Variants in ADARB2 observed in about 807,000 individuals in gnomAD.
ADARB2 encodes adenosine deaminase RNA specific B2 (inactive).
Under a neutral mutation model 62.2 loss-of-function variants are expected in ADARB2, and 25 were observed. The ratio of observed to expected loss-of-function variants is 0.40; its 90% CI spans 0.29 to 0.56. The LOEUF (loss-of-function observed/expected upper bound fraction) is 0.56, where lower values mean the gene tolerates loss of function less well. Ranked by LOEUF, ADARB2 falls within the 20% of genes least tolerant of loss-of-function variation. The pLI is 0.43. For missense variants in ADARB2, 1,071 were observed against 1,077.4 expected (o/e 0.99, Z 0.08); for synonymous variants, 572 against 500.8 (o/e 1.14, Z -1.90).
At chr10:1,647,842 ATG>A (rs1834065185) in intron 1 of ADARB2, among the ~76,000 whole-genome samples, 1 of 151,782 alleles carries the variant, frequency 6.6e-6, no homozygotes, top group Non-Finnish European at 1.5e-5. Flanking sequence ...GTATATATGC[ATG>A]TGTGTATATG....
chr10:1,546,472 C>G (rs2131973564), intron 1 of ADARB2, among the ~76,000 whole-genome samples: 1 of 152,312 alleles, frequency 6.6e-6, no homozygotes, highest in Middle Eastern at 3.4e-3. Flanking sequence ...CTGTCCTGCT[C>G]CTGACTTTGA....
At chr10:1,415,548 G>T (rs531252043) in intron 1 of ADARB2, among the ~76,000 whole-genome samples, 1 of 152,130 alleles carries the variant, frequency 6.6e-6, no homozygotes, top group Non-Finnish European at 1.5e-5. Flanking sequence ...GGAATAGGGT[G>T]ACTCTCTCTA....
chr10:1,351,818 C>T (rs1488187188), intron 3 of ADARB2, among the ~76,000 whole-genome samples: 9 of 151,412 alleles, frequency 5.9e-5, no homozygotes, highest in Non-Finnish European at 1.2e-4. Context: ...CTTACAATTC[C>T]CCCATTTTAC....
At chr10:1,660,925 T>C (rs539122040) in intron 1 of ADARB2, among the ~76,000 whole-genome samples, 4 of 152,326 alleles carry the variant, frequency 2.6e-5, no homozygotes, top group South Asian at 2.1e-4. Flanking sequence ...TAATGGCTAA[T>C]GTCAGCATGA....
intron 1 of ADARB2, among the ~76,000 whole-genome samples, chr10:1,619,282 T>A (rs1330971900): frequency 2.5e-5 from 3 of 118,986 alleles, no homozygotes; most frequent in African/African-American, 8.8e-5. Context: ...CACAAATACA[T>A]TGAAAGTAAA....
At chr10:1,603,151 CTG>C (rs1833448132) in intron 1 of ADARB2, among the ~76,000 whole-genome samples, 1 of 86,048 alleles carries the variant, frequency 1.2e-5, no homozygotes, top group African/African-American at 3.7e-5. Context: ...ACACACACAC[CTG>C]TACACACATT....
At chr10:1,462,500 G>A (rs977008288) in intron 1 of ADARB2, among the ~76,000 whole-genome samples, 18 of 152,250 alleles carry the variant, frequency 1.2e-4, no homozygotes, top group South Asian at 2.1e-4. Context: ...CAGTTAGGGC[G>A]TGTGCATGAG....
At chr10:1,472,196 C>T (rs760579303) in intron 1 of ADARB2, among the ~76,000 whole-genome samples, 10 of 152,122 alleles carry the variant, frequency 6.6e-5, no homozygotes, top group African/African-American at 2.4e-4. Context: ...GCACAATGGC[C>T]GTGTGTAGGG....
chr10:1,198,360 G>C (rs990142852), intron 8 of ADARB2, among the ~76,000 whole-genome samples: 2 of 152,174 alleles, frequency 1.3e-5, no homozygotes, highest in Non-Finnish European at 2.9e-5. Flanking sequence ...GCTTATTTGA[G>C]GGTGCTTTTT....
chr10:1,409,647 TGGTCATGGTGCCGAGGCCTGGCCAC>T (rs1832740017), intron 1 of ADARB2, among the ~76,000 whole-genome samples: 1 of 138,472 alleles, frequency 7.2e-6, no homozygotes, highest in Non-Finnish European at 1.6e-5. Flanking sequence ...GGCCTGGCTG[TGGTCATGGTGCCGAGGCCTGGCCAC>T]GGTCATGGGG....
chr10:1,587,150 T>C (rs1204996050), intron 1 of ADARB2, among the ~76,000 whole-genome samples: 3 of 152,050 alleles, frequency 2.0e-5, no homozygotes, highest in Admixed American at 6.5e-5. Flanking sequence ...TCTCCTTTCC[T>C]GAGTACACAT....
chr10:1,558,674 C>T (rs1832745726), intron 1 of ADARB2, among the ~76,000 whole-genome samples: 1 of 134,284 alleles, frequency 7.4e-6, no homozygotes, highest in Non-Finnish European at 1.6e-5. Flanking sequence ...CCCCATGCCC[C>T]ATCTAAATCC....
At chr10:1,579,510 T>A (rs1329106060) in intron 1 of ADARB2, among the ~76,000 whole-genome samples, 1 of 152,144 alleles carries the variant, frequency 6.6e-6, no homozygotes, top group Non-Finnish European at 1.5e-5. Flanking sequence ...AAACAGGCGC[T>A]CAATGAAAGC....
intron 7 of ADARB2, among the ~76,000 whole-genome samples, chr10:1,205,960 GCC>G: frequency 6.6e-6 from 1 of 151,312 alleles, no homozygotes; most frequent in African/African-American, 2.4e-5. Flanking sequence ...TCACGGGGCA[GCC>G]CGTTGGGGTC....
chr10:1,549,606 G>T (rs186150514), intron 1 of ADARB2, among the ~76,000 whole-genome samples: 1 of 152,004 alleles, frequency 6.6e-6, no homozygotes, highest in Non-Finnish European at 1.5e-5. Context: ...AATAAGAGGC[G>T]AACGCAATGC....
intron 3 of ADARB2, among the ~76,000 whole-genome samples, chr10:1,322,312 C>T (rs1298056849): frequency 1.3e-5 from 2 of 152,152 alleles, no homozygotes; most frequent in African/African-American, 4.8e-5. Context: ...AGAAAAAGCC[C>T]AGGCTTCAGA....
intron 6 of ADARB2, among the ~76,000 whole-genome samples, chr10:1,221,526 C>G (rs1406774235): frequency 6.6e-6 from 1 of 151,840 alleles, no homozygotes; most frequent in African/African-American, 2.4e-5. Flanking sequence ...AGTAACTCAT[C>G]ATTTAGCATT....
chr10:1,436,872 T>C (rs1032393409), intron 1 of ADARB2, among the ~76,000 whole-genome samples: 1 of 152,244 alleles, frequency 6.6e-6, no homozygotes, highest in Non-Finnish European at 1.5e-5. Flanking sequence ...GGAATTCTTA[T>C]ATTGCTTACT....
At position 1,406,836 on chromosome 10, in the gene ADARB2, G is replaced by C. The variant is rs1564281477; in HGVS notation, c.101-27676C>G. Among the ~76,000 whole-genome samples the C allele has an allele frequency of 6.6e-5, 10 of 152,312 alleles. 1 individual carries two copies. In the South Asian group the frequency reaches 2.1e-3, roughly 32 times the overall value. On this transcript the variant is annotated intron_variant, in intron 1 of 9. Coordinates refer to ENST00000381312, the MANE Select transcript of ADARB2 (RefSeq NM_018702.4). The stretch of plus-strand genomic sequence containing the variant: ...TCCTGCACGTCCCAGGACTGGACGA[G>C]GATTGCCGGCTTTCCTACTTCACAG...
Sources: gnomAD v4.1 joint callset for allele counts (sites outside exome capture counted in the v4.1 genomes callset) on GRCh38, gnomAD v4.1.1 for gene constraint, MANE v1.5 for transcripts, NCBI Gene and HGNC (gene_info 2026-07-23, HGNC 2026-07-21) for gene names.